The following ACACA variants were observed in gnomAD, a reference collection of about 807,000 sequenced individuals.
The protein encoded by ACACA is acetyl-CoA carboxylase 1.
In ACACA, 103 loss-of-function variants were observed where a neutral mutation model predicts 296.1. That is an observed-to-expected ratio of 0.35 (90% CI 0.30 to 0.41). The LOEUF is 0.41. Ranked by LOEUF, ACACA falls within the 10% of genes least tolerant of loss-of-function variation. The probability of loss-of-function intolerance (pLI) is 1.00; values close to 1 mark genes in which losing one functional copy is unlikely to be tolerated. For missense variants in ACACA, 1,554 were observed against 2,989.7 expected, an observed-to-expected ratio of 0.52 and a Z score of 11.20; for synonymous variants, 953 against 1,038.6, an observed-to-expected ratio of 0.92 and a Z score of 1.58.
At chr17:37,189,928 A>G (rs1300024698) in intron 38 of ACACA, among the ~76,000 whole-genome samples, 2 of 151,938 alleles carry the variant, frequency 1.3e-5, no homozygotes, top group Non-Finnish European at 2.9e-5. Context: ...TAATCCCAGC[A>G]CTTTGGGAGT....
chr17:37,130,068 G>A lies in ACACA; in HGVS notation c.5823+7C>T, dbSNP rs371417907. 1.9e-5 allele frequency: 31 copies of A among 1,613,916 alleles called. No homozygotes were observed. Among genetic ancestry groups the A allele is most frequent in the Non-Finnish European group, 2.5e-5 (30 of 1,179,946 alleles). ...GGCCATGTCAGTGCTGGGTAGGAAG[G>A]GCTCACCTTGGGCATGTAAGACAGC... On this transcript the variant is annotated splice_region_variant and intron_variant, in intron 46 of 55. Coordinates refer to ENST00000616317, the MANE Select transcript of ACACA (RefSeq NM_198834.3).
At chr17:37,291,301 C>G (rs1301977268) in intron 3 of ACACA, among the ~76,000 whole-genome samples, 1 of 151,700 alleles carries the variant, frequency 6.6e-6, no homozygotes, top group Non-Finnish European at 1.5e-5. Context: ...TCAGCCTTCC[C>G]GAGTAGCTGG....
intron 5 of ACACA, among the ~76,000 whole-genome samples, chr17:37,279,959 A>G (rs1199261715): frequency 6.6e-6 from 1 of 152,230 alleles, no homozygotes; most frequent in East Asian, 1.9e-4. Context: ...CAATGGAAGT[A>G]CAGATTATGT....
chr17:37,288,513 G>A (rs928674167), intron 3 of ACACA, among the ~76,000 whole-genome samples: 1 of 152,346 alleles, frequency 6.6e-6, no homozygotes, highest in African/African-American at 2.4e-5. Context: ...AAGGGAGTAT[G>A]GGAATGATGG....
At chr17:37,372,236 AC>A (rs2049833526) in intron 1 of ACACA, among the ~76,000 whole-genome samples, 1 of 151,782 alleles carries the variant, frequency 6.6e-6, no homozygotes, top group Admixed American at 6.6e-5. Flanking sequence ...ACACGGTGAA[AC>A]CCCATCTCTA....
At chr17:37,190,889 C>T (rs937145670) in intron 38 of ACACA, among the ~76,000 whole-genome samples, 3 of 152,210 alleles carry the variant, frequency 2.0e-5, no homozygotes, top group African/African-American at 7.2e-5. Flanking sequence ...AAGTGACCAG[C>T]AAGCTAACAC....
intron 14 of ACACA, among the ~76,000 whole-genome samples, chr17:37,253,618 G>A (rs999958444): frequency 2.6e-5 from 4 of 152,068 alleles, no homozygotes; most frequent in African/African-American, 7.2e-5. Context: ...TCATTATAAT[G>A]AGTACAGAAC....
chr17:37,322,286 G>A (rs2047392537), intron 3 of ACACA, among the ~76,000 whole-genome samples: 1 of 152,084 alleles, frequency 6.6e-6, no homozygotes, highest in Non-Finnish European at 1.5e-5. Context: ...GCTGGTTTTA[G>A]GTATACACAT....
intron 4 of ACACA, 91 bp downstream of exon 4, chr17:37,284,747 T>C (rs1243298152): frequency 6.4e-7 from 1 of 1,564,786 alleles, no homozygotes; most frequent in Non-Finnish European, 8.8e-7. Context: ...AGAAACTAAA[T>C]ATCAATTGGG....
chr17:37,087,835 G>A (rs1317358814), intron 55 of ACACA, among the ~76,000 whole-genome samples: 1 of 152,176 alleles, frequency 6.6e-6, no homozygotes, highest in Non-Finnish European at 1.5e-5. Flanking sequence ...AGTGGTGACT[G>A]GTAATTGTGG....
At chr17:37,354,288 A>G (rs2049033748) in intron 1 of ACACA, among the ~76,000 whole-genome samples, 1 of 152,230 alleles carries the variant, frequency 6.6e-6, no homozygotes, top group Admixed American at 6.5e-5. Flanking sequence ...TCTCAACATC[A>G]TCGAAAGGCA....
At chr17:37,109,102 C>T (rs2073847884) in intron 52 of ACACA, among the ~76,000 whole-genome samples, 1 of 152,128 alleles carries the variant, frequency 6.6e-6, no homozygotes, top group African/African-American at 2.4e-5. Context: ...TGGTTCTAGG[C>T]AAACTAAAAG....
intron 35 of ACACA, 67 bp downstream of exon 35, chr17:37,200,072 G>T: frequency 8.6e-7 from 1 of 1,159,018 alleles, no homozygotes; most frequent in Non-Finnish European, 1.3e-6. Flanking sequence ...CATATATTCT[G>T]GTTAAATAAT....
intron 47 of ACACA, among the ~76,000 whole-genome samples, chr17:37,128,708 TA>T (rs2074946380): frequency 1.3e-5 from 2 of 152,302 alleles, no homozygotes; most frequent in South Asian, 4.1e-4. Flanking sequence ...CTAAGTTAGG[TA>T]AAAGACAAAG....
At chr17:37,385,935 G>A in intron 1 of ACACA, 2 of 985,098 alleles carry the variant, frequency 2.0e-6, no homozygotes, top group Non-Finnish European at 3.1e-6. Flanking sequence ...AGCTGGGCAG[G>A]GTTTCATCAG....
intron 18 of ACACA, among the ~76,000 whole-genome samples, 163 bp from the exon 19 acceptor site, chr17:37,247,139 AT>A (rs1277479143): frequency 6.6e-6 from 1 of 152,166 alleles, no homozygotes; most frequent in Non-Finnish European, 1.5e-5. Context: ...ATTAACATAA[AT>A]TTCCTTCAAT....
intron 1 of ACACA, among the ~76,000 whole-genome samples, chr17:37,401,279 G>A (rs1214974027): frequency 6.9e-6 from 1 of 145,866 alleles, no homozygotes; most frequent in Admixed American, 7.1e-5. Flanking sequence ...TGCAACCTCC[G>A]CCTCCTGGGT....
intron 1 of ACACA, among the ~76,000 whole-genome samples, chr17:37,396,204 G>A (rs1436781417): frequency 1.3e-5 from 2 of 151,956 alleles, no homozygotes; most frequent in Non-Finnish European, 2.9e-5. Flanking sequence ...GCTGGGTGTG[G>A]TGGCACATGC....
rs183288207 is a variant in ACACA at position 37,289,420 on chromosome 17, T to C, written c.339-4450A>G. 37 of 1,346,876 alleles carry C rather than the reference T, an allele frequency of 2.7e-5. No homozygotes were observed. In the East Asian group the frequency reaches 1.5e-3, roughly 55 times the overall value. 83.4% of individuals were successfully genotyped at this position (1,346,876 alleles called of 1,614,324 possible). ...TAAGGCTAAGGAAGTACCCACACCT[T>C]GAAAATCAGCAACTGTAAGTATGGC... On this transcript the variant is annotated intron_variant, in intron 3 of 55. Coordinates refer to ENST00000616317, the MANE Select transcript of ACACA (RefSeq NM_198834.3).
Sources: allele counts gnomAD v4.1 joint callset (sites outside exome capture counted in the v4.1 genomes callset), GRCh38; gene constraint gnomAD v4.1.1; transcripts MANE v1.5; gene names NCBI Gene and HGNC (gene_info 2026-07-23, HGNC 2026-07-21).